The following RHAG variants were observed in gnomAD, a reference collection of about 807,000 sequenced individuals.
The protein encoded by RHAG is Rh associated glycoprotein.
RHAG carries 25 observed loss-of-function variants against 42.4 expected under a neutral mutation model. The ratio of observed to expected loss-of-function variants is 0.59; its 90% CI spans 0.43 to 0.82. The LOEUF (loss-of-function observed/expected upper bound fraction) is 0.82. Ranked by LOEUF, RHAG falls within the 40% of genes least tolerant of loss-of-function variation. RHAG has a pLI of 0.00. For missense variants in RHAG, 483 were observed against 504.6 expected, an observed-to-expected ratio of 0.96 and a Z score of 0.41; for synonymous variants, 182 against 177.7, an observed-to-expected ratio of 1.02 and a Z score of -0.19.
chr6:49,628,673 C>T (rs1762881794), intron 1 of RHAG, among the ~76,000 whole-genome samples: 1 of 147,760 alleles, frequency 6.8e-6, no homozygotes, highest in African/African-American at 2.5e-5. Flanking sequence ...TCCTGGTGGG[C>T]TCATGGTCTC....
chr6:49,605,879 T>C (rs1271575296), intron 9 of RHAG, 49 bp from the exon 10 acceptor site: 18 of 1,457,076 alleles, frequency 1.2e-5, no homozygotes, highest in African/African-American at 2.8e-5. Context: ...TTCACTGTTC[T>C]TGTCAGAAAT....
In RHAG at chr6:49,631,592, T is replaced by C. The variant is rs74439872; in HGVS notation, c.157+5064A>G. Among the ~76,000 whole-genome samples the C allele has an allele frequency of 9.8e-3, 1,488 of 152,312 alleles. 21 individuals carry two copies. Among genetic ancestry groups the C allele is most frequent in the African/African-American group, 0.034 (1,434 of 41,570 alleles). ...CTGTGTCCTTTTCACATGGCCCTGT[T>C]AGTCTTTAAGCACTTGGGTTACCTT... On this transcript the variant is annotated intron_variant, in intron 1 of 9. Transcript: ENST00000371175.
intron 1 of RHAG, among the ~76,000 whole-genome samples, chr6:49,628,580 C>G (rs1033333308): frequency 3.3e-5 from 5 of 151,776 alleles, no homozygotes; most frequent in Admixed American, 6.6e-5. Flanking sequence ...GGTTCGTGGT[C>G]TCCCTGGCTC....
intron 9 of RHAG, 181 bp downstream of exon 9, chr6:49,606,667 A>T: frequency 1.7e-6 from 1 of 587,102 alleles, no homozygotes; most frequent in Non-Finnish European, 3.1e-6. Context: ...AACTCCTGGC[A>T]TCAAACAATC....
chr6:49,623,291 G>C (rs572638983), intron 1 of RHAG, among the ~76,000 whole-genome samples: 1 of 152,312 alleles, frequency 6.6e-6, no homozygotes, highest in African/African-American at 2.4e-5. Context: ...CTTAAAAGTT[G>C]TGGAGGCTCT....
At chr6:49,619,428 A>G (rs1024426266) in intron 1 of RHAG, 66 bp from the exon 2 acceptor site, 3 of 1,390,186 alleles carry the variant, frequency 2.2e-6, no homozygotes, top group Admixed American at 3.8e-5. Flanking sequence ...GCATCATAGT[A>G]TACCCCACTT....
chr6:49,607,399 G>A (rs1207962496), intron 7 of RHAG, among the ~76,000 whole-genome samples, 179 bp from the exon 8 acceptor site: 1 of 152,166 alleles, frequency 6.6e-6, no homozygotes, highest in African/African-American at 2.4e-5. Context: ...AAACTCTTGA[G>A]CAGTGTTAGA....
intron 1 of RHAG, among the ~76,000 whole-genome samples, chr6:49,635,156 TG>T (rs1158279705): frequency 6.6e-6 from 1 of 151,506 alleles, no homozygotes; most frequent in Admixed American, 6.6e-5. Flanking sequence ...AAAATGACCA[TG>T]TTTAGTGACT....
chr6:49,628,466 G>T (rs535185516), intron 1 of RHAG, among the ~76,000 whole-genome samples: 1 of 152,234 alleles, frequency 6.6e-6, no homozygotes, highest in Admixed American at 6.5e-5. Context: ...GAATGAAGCC[G>T]CGGACCCTCG....
intron 1 of RHAG, among the ~76,000 whole-genome samples, chr6:49,625,409 G>T (rs1762829818): frequency 6.6e-6 from 1 of 152,170 alleles, no homozygotes; most frequent in African/African-American, 2.4e-5. Flanking sequence ...TTCTTAACAT[G>T]TGTATTCCAA....
intron 4 of RHAG, among the ~76,000 whole-genome samples, 153 bp downstream of exon 4, chr6:49,615,471 C>T (rs1189028057): frequency 6.6e-6 from 1 of 152,010 alleles, no homozygotes; most frequent in South Asian, 2.1e-4. Flanking sequence ...TCAAGTAATC[C>T]CACCTCAGCC....
intron 7 of RHAG, among the ~76,000 whole-genome samples, chr6:49,608,471 G>A (rs940779047): frequency 1.4e-5 from 2 of 143,030 alleles, no homozygotes; most frequent in Non-Finnish European, 3.2e-5. Context: ...TCTCCTCCCC[G>A]CGTTCAAGCA....
At position 49,611,210 on chromosome 6, in the gene RHAG, A is replaced by G. The variant is rs980117411; in HGVS notation, c.946-65T>C. On this transcript the variant is annotated intron_variant, in intron 6 of 9. Coordinates refer to ENST00000371175, the MANE Select transcript of RHAG (RefSeq NM_000324.3). The stretch of plus-strand genomic sequence containing the variant: ...ACATATAGAACTCTAGAACTGAAAC[A>G]GAGCTATAGCTGGGCTCTATTCTTC... The G allele has an allele frequency of 1.1e-5, 15 of 1,346,190 alleles. No individual in the cohort carries two copies. The African/African-American group carries it at 2.0e-4, about 18-fold the overall frequency. The allele number at this position is 1,346,190 out of a possible 1,614,324, so 83.4% of individuals were successfully genotyped here. A position where few individuals can be genotyped will look rare whatever the true frequency, so the allele number is the denominator to read the frequency against.
At chr6:49,630,065 G>A (rs1486803254) in intron 1 of RHAG, among the ~76,000 whole-genome samples, 1 of 152,226 alleles carries the variant, frequency 6.6e-6, no homozygotes, top group Admixed American at 6.5e-5. Flanking sequence ...AGGAGGCGCC[G>A]AGAGCGAGCG....
intron 2 of RHAG, 53 bp downstream of exon 2, chr6:49,619,126 A>G (rs1204709249): frequency 2.5e-6 from 4 of 1,580,592 alleles, no homozygotes; most frequent in African/African-American, 1.3e-5. Context: ...TTAAGAGTGT[A>G]ATATATGAAT....
chr6:49,620,575 A>G (rs1762738490), intron 1 of RHAG, among the ~76,000 whole-genome samples: 1 of 151,990 alleles, frequency 6.6e-6, no homozygotes, highest in Non-Finnish European at 1.5e-5. Context: ...TCTGTCTCCC[A>G]GGATGGAGTG....
At chr6:49,624,648 A>G (rs1246979108) in intron 1 of RHAG, among the ~76,000 whole-genome samples, 1 of 152,224 alleles carries the variant, frequency 6.6e-6, no homozygotes, top group Non-Finnish European at 1.5e-5. Flanking sequence ...AAATGGGACT[A>G]ATACTTCATA....
chr6:49,635,887 G>A (rs1763003193), intron 1 of RHAG, among the ~76,000 whole-genome samples: 1 of 151,988 alleles, frequency 6.6e-6, no homozygotes, highest in South Asian at 2.1e-4. Flanking sequence ...CTTAAGAAAA[G>A]CAAATAGTCT....
intron 7 of RHAG, among the ~76,000 whole-genome samples, chr6:49,609,656 T>C (rs1762536189): frequency 6.6e-6 from 1 of 152,244 alleles, no homozygotes; most frequent in African/African-American, 2.4e-5. Flanking sequence ...ACTGTACACA[T>C]GAAGAAGGAA....
Sources: allele counts gnomAD v4.1 joint callset (sites outside exome capture counted in the v4.1 genomes callset), GRCh38; gene constraint gnomAD v4.1.1; transcripts MANE v1.5; gene names NCBI Gene and HGNC (gene_info 2026-07-23, HGNC 2026-07-21).